The following EPS15 variants were observed in gnomAD, a reference collection of about 807,000 sequenced individuals.
The protein encoded by EPS15 is epidermal growth factor receptor substrate 15.
Under a neutral mutation model 113.8 loss-of-function variants are expected in EPS15, and 72 were observed. The observed-to-expected ratio is 0.63, with a 90% confidence interval of 0.52 to 0.77. The LOEUF (loss-of-function observed/expected upper bound fraction) is 0.77. Ranked by LOEUF, EPS15 falls within the 30% of genes least tolerant of loss-of-function variation. The pLI is 0.00. For missense variants in EPS15, 1,048 were observed against 1,045.8 expected (o/e 1.00, Z -0.03); for synonymous variants, 344 against 363.4 (o/e 0.95, Z 0.61).
intron 21 of EPS15, among the ~76,000 whole-genome samples, chr1:51,388,778 A>T (rs1399887190): frequency 6.6e-6 from 1 of 152,182 alleles, no homozygotes; most frequent in Admixed American, 6.6e-5. Context: ...GAAGAAGTTG[A>T]CTCTCTGAAT....
At chr1:51,517,060 T>C (rs1644732881) in intron 1 of EPS15, among the ~76,000 whole-genome samples, 1 of 152,136 alleles carries the variant, frequency 6.6e-6, no homozygotes, top group Admixed American at 6.5e-5. Context: ...CTCAGGCAGT[T>C]ATAAAAAAAT....
Position 51,361,102 on chromosome 1 carries a change from A to G in EPS15, c.2544+69T>C, listed in dbSNP as rs1645786270. The G allele has an allele frequency of 1.6e-5, 19 of 1,173,072 alleles. No homozygotes were observed. The South Asian group carries it at 2.4e-4, about 15-fold the overall frequency. 72.7% of individuals were successfully genotyped at this position (1,173,072 alleles called of 1,614,324 possible). A position where few individuals can be genotyped will look rare whatever the true frequency, so the allele number is the denominator to read the frequency against. ...TTAGTTAAAATGATGCAAACTTGGCAGACTCCAAAATAATCTCTGAAAACT... is the reference window on the plus strand; with the variant it reads ...TTAGTTAAAATGATGCAAACTTGGCGGACTCCAAAATAATCTCTGAAAACT... On this transcript the variant is annotated intron_variant, in intron 24 of 24. Coordinates refer to ENST00000371733, the MANE Select transcript of EPS15 (RefSeq NM_001981.3).
rs116647310 is a variant in EPS15, at chr1:51,421,406, C to A, written c.1113+380G>T. ...AACCTCACATGCATGAAAAAGCATA[C>A]TGGTTTTTGATGATGATGATGATGA... On this transcript the variant is annotated intron_variant, in intron 13 of 24. Transcript: ENST00000371733. Among the ~76,000 whole-genome samples, 881 of 152,036 alleles carry A rather than the reference C, an allele frequency of 5.8e-3. 5 individuals carry two copies. Among genetic ancestry groups the A allele is most frequent in the Middle Eastern group, 0.02 (6 of 294 alleles).
At chr1:51,405,699 C>CA (rs199667048) in intron 16 of EPS15, among the ~76,000 whole-genome samples, 45,312 of 142,632 alleles carry the variant, frequency 0.32, 8,006 homozygotes, top group East Asian at 0.71. Flanking sequence ...ACTCCATCTC[C>CA]AAAAAAAAAA....
intron 21 of EPS15, among the ~76,000 whole-genome samples, chr1:51,389,380 C>T (rs1026600811): frequency 6.6e-6 from 1 of 152,208 alleles, no homozygotes; most frequent in Non-Finnish European, 1.5e-5. Context: ...TGGGCAAAAA[C>T]TGCAAGCATT....
Position 51,468,556 on chromosome 1 carries a change from C to A in EPS15, c.226G>T (p.Ala76Ser). 1.9e-6 allele frequency: 3 copies of A among 1,612,328 alleles called. No individual in the cohort carries two copies. Among genetic ancestry groups the A allele is most frequent in the Non-Finnish European group, 2.5e-6 (3 of 1,178,848 alleles). The change falls in exon 5 of 25, where the codon GCT becomes TCT. Residue 76 changes from alanine (A) to serine (S), a missense_variant. Physicochemically the swap from Ala to Ser is moderately conservative, Grantham distance 99. Coordinates refer to ENST00000371733, the MANE Select transcript of EPS15 (RefSeq NM_001981.3). ...TGGGCACATGCCACAAGACGCAAAG[C>A]AACAAAGAATTCCTAAGAAAGAAAA... is the stretch of plus-strand genomic sequence containing the variant. Reference protein sequence around the residue: ...GILNKQEFFVALRLVACAQNG... With the variant: ...GILNKQEFFVSLRLVACAQNG...
Position 51,463,744 on chromosome 1 carries a change from C to G in EPS15, c.430G>C (p.Gly144Arg), listed in dbSNP as rs1476334213. The G allele has an allele frequency of 1.9e-6, 3 of 1,603,344 alleles. No homozygotes were observed. The highest frequency in any genetic ancestry group is 2.6e-6 in the Non-Finnish European group (3 of 1,170,876). Reference sequence around the variant, plus strand: ...TTCACTTTATCACCAGACAGAAATCCATTCACTGGGCTTAAACTATCAAAT... The same window carrying G: ...TTCACTTTATCACCAGACAGAAATCGATTCACTGGGCTTAAACTATCAAAT... ...AIFDSLSPVN[G>R]FLSGDKVKPV... Residue 144 changes from glycine (G) to arginine (R), a missense_variant, in exon 7 of 25, where the codon GGA becomes CGA. Gly to Arg is a moderately radical substitution (Grantham distance 125). Coordinates refer to ENST00000371733, the MANE Select transcript of EPS15 (RefSeq NM_001981.3).
intron 1 of EPS15, among the ~76,000 whole-genome samples, chr1:51,506,461 T>G (rs1644500581): frequency 6.6e-6 from 1 of 152,100 alleles, no homozygotes; most frequent in Non-Finnish European, 1.5e-5. Flanking sequence ...CAGACATAAG[T>G]GCTCATGTCA....
chr1:51,447,088 T>A lies in EPS15; in HGVS notation c.669A>T (p.Ala223=), dbSNP rs34704431. The change falls in exon 10 of 25, where the codon GCA becomes GCT. Residue 223 remains alanine (A), a synonymous_variant. Coordinates refer to ENST00000371733, the MANE Select transcript of EPS15 (RefSeq NM_001981.3). ...AGATTTCATCATATTTAGCTTTTTC[T>A]GCAGGGGATACAACCCACTACAGGG... The part of the protein sequence containing the change: ...SKRKTWVVSP[A]EKAKYDEIFL... 4.3e-6 allele frequency: 7 copies of A among 1,613,028 alleles called. No individual in the cohort carries two copies. The highest frequency in any genetic ancestry group is 5.9e-6 in the Non-Finnish European group (7 of 1,179,700).
chr1:51,418,044 C>T (rs562347864), intron 13 of EPS15, among the ~76,000 whole-genome samples: 4 of 151,970 alleles, frequency 2.6e-5, no homozygotes, highest in Non-Finnish European at 4.4e-5. Flanking sequence ...AGATATTAGG[C>T]GATACAGGTG....
chr1:51,505,440 A>T (rs2148556735), intron 1 of EPS15, among the ~76,000 whole-genome samples: 1 of 152,366 alleles, frequency 6.6e-6, no homozygotes. Context: ...GTATTATATT[A>T]TTCCATTCAT....
intron 12 of EPS15, among the ~76,000 whole-genome samples, chr1:51,430,977 TACACACACACACACACACACAC>T (rs67920039): frequency 8.4e-4 from 102 of 122,084 alleles, no homozygotes; most frequent in Admixed American, 1.2e-3. Flanking sequence ...ATTACTTACA[TACACACACACACACACACACAC>T]ACACACACAC....
intron 8 of EPS15, among the ~76,000 whole-genome samples, chr1:51,449,991 G>A (rs949187345): frequency 2.6e-5 from 4 of 151,750 alleles, no homozygotes; most frequent in Non-Finnish European, 4.4e-5. Flanking sequence ...ACATGGCCTC[G>A]CTGTGAGTGC....
intron 12 of EPS15, chr1:51,422,131 C>T: frequency 4.4e-6 from 4 of 916,140 alleles, no homozygotes; most frequent in South Asian, 3.3e-5. Flanking sequence ...CAATGAAACA[C>T]TCAGGTTTCA....
At chr1:51,505,563 C>G (rs1644484908) in intron 1 of EPS15, among the ~76,000 whole-genome samples, 1 of 152,066 alleles carries the variant, frequency 6.6e-6, no homozygotes, top group African/African-American at 2.4e-5. Context: ...AAGTTTCTTT[C>G]TGAGGTGATA....
intron 10 of EPS15, among the ~76,000 whole-genome samples, chr1:51,445,926 C>A (rs975569752): frequency 1.3e-5 from 2 of 152,182 alleles, no homozygotes; most frequent in African/African-American, 4.8e-5. Flanking sequence ...ACATTAAGCC[C>A]GTGACAACTG....
intron 16 of EPS15, among the ~76,000 whole-genome samples, chr1:51,405,704 A>G (rs558636836): frequency 6.6e-6 from 1 of 152,150 alleles, no homozygotes; most frequent in South Asian, 2.1e-4. Flanking sequence ...ATCTCCAAAA[A>G]AAAAAAAATT....
intron 21 of EPS15, among the ~76,000 whole-genome samples, chr1:51,379,192 T>C (rs1646875934): frequency 6.6e-6 from 1 of 152,198 alleles, no homozygotes; most frequent in Admixed American, 6.5e-5. Context: ...CCATCTTGGC[T>C]TACTGCAACC....
At chr1:51,462,641 G>A (rs1654549026) in intron 7 of EPS15, among the ~76,000 whole-genome samples, 1 of 151,998 alleles carries the variant, frequency 6.6e-6, no homozygotes, top group Non-Finnish European at 1.5e-5. Context: ...GGCAAAGGGG[G>A]CTAAGGATAG....
Sources: gnomAD v4.1 joint callset for allele counts (sites outside exome capture counted in the v4.1 genomes callset) on GRCh38, gnomAD v4.1.1 for gene constraint, MANE v1.5 for transcripts, NCBI Gene and HGNC (gene_info 2026-07-23, HGNC 2026-07-21) for gene names.